The following GRM7 variants were observed in gnomAD, a reference collection of about 807,000 sequenced individuals.
GRM7 encodes the protein metabotropic glutamate receptor 7.
A neutral mutation model predicts 84.5 loss-of-function variants in GRM7; 35 were observed. The observed-to-expected ratio is 0.41, with a 90% confidence interval of 0.32 to 0.55. GRM7 has a LOEUF of 0.55. Among genes scored for constraint, GRM7 ranks in the 20% least tolerant of loss-of-function variants. GRM7 has a pLI of 0.19. For synonymous variants in GRM7, 487 were observed against 455.1 expected (o/e 1.07, Z -0.89); for missense variants, 1,003 against 1,194.6 (o/e 0.84, Z 2.36).
intron 9 of GRM7, among the ~76,000 whole-genome samples, chr3:7,700,461 C>T (rs531435157): frequency 6.6e-6 from 1 of 152,264 alleles, no homozygotes; most frequent in African/African-American, 2.4e-5. Flanking sequence ...CAGTCTAGAT[C>T]GGTCATTCTG....
chr3:6,909,042 A>G (rs2125014594), intron 1 of GRM7, among the ~76,000 whole-genome samples: 1 of 152,292 alleles, frequency 6.6e-6, no homozygotes, highest in Middle Eastern at 3.4e-3. Flanking sequence ...AAGTTGCATA[A>G]GTCATTAAAT....
chr3:7,019,028 C>T (rs1404414812), intron 1 of GRM7, among the ~76,000 whole-genome samples: 6 of 152,168 alleles, frequency 3.9e-5, no homozygotes, highest in African/African-American at 9.6e-5. Context: ...ACCCGGGAAG[C>T]GGAAGTTGCA....
chr3:7,724,603 T>C (rs1026640763), intron 9 of GRM7, among the ~76,000 whole-genome samples: 3 of 152,124 alleles, frequency 2.0e-5, no homozygotes, highest in African/African-American at 4.8e-5. Flanking sequence ...TTTGCATCTA[T>C]CTCAAAAAGA....
In GRM7 at chr3:7,135,043, A is replaced by T. The variant is rs192190542; in HGVS notation, c.520-11409A>T. ...ATTAGAGAGATGAAAAGTGAAGGAAAAAAGAGTTGCAATAATTGATGATAA... is the reference window on the plus strand; with the variant it reads ...ATTAGAGAGATGAAAAGTGAAGGAATAAAGAGTTGCAATAATTGATGATAA... On this transcript the variant is annotated intron_variant, in intron 1 of 9. Transcript: ENST00000357716. Among the ~76,000 whole-genome samples the T allele has an allele frequency of 4.7e-4, 72 of 152,314 alleles. 1 individual carries two copies. Among genetic ancestry groups the T allele is most frequent in the Non-Finnish European group, 8.4e-4 (57 of 68,028 alleles).
intron 2 of GRM7, among the ~76,000 whole-genome samples, chr3:7,193,314 C>T (rs1695776158): frequency 6.6e-6 from 1 of 152,114 alleles, no homozygotes; most frequent in South Asian, 2.1e-4. Context: ...TAGGTAGAGA[C>T]ATCCATATAG....
At chr3:7,160,302 T>C (rs1216939354) in intron 2 of GRM7, among the ~76,000 whole-genome samples, 1 of 152,186 alleles carries the variant, frequency 6.6e-6, no homozygotes. Flanking sequence ...TAAAGGTTAT[T>C]GGAAAAGTGC....
At chr3:7,210,970 G>T (rs1200009880) in intron 2 of GRM7, among the ~76,000 whole-genome samples, 1 of 152,124 alleles carries the variant, frequency 6.6e-6, no homozygotes, top group Non-Finnish European at 1.5e-5. Context: ...ATCCCTGGTG[G>T]TGCTAAGTCA....
In GRM7 at chr3:7,419,984, C is replaced by T. The variant is rs559662284; in HGVS notation, c.1174+4821C>T. 1.1e-4 allele frequency among the ~76,000 whole-genome samples: 16 copies of T among 152,292 alleles called. 1 individual carries two copies. The East Asian group carries it at 2.7e-3, about 26-fold the overall frequency. On this transcript the variant is annotated intron_variant, in intron 5 of 9. Transcript: ENST00000357716. ...AAGATATCAAGGGCTAAAGAGCGTA[C>T]TCTGATAAATGTCTACATTTTGGAA...
intron 1 of GRM7, among the ~76,000 whole-genome samples, chr3:6,870,386 C>T (rs182283753): frequency 6.6e-6 from 1 of 152,110 alleles, no homozygotes; most frequent in Non-Finnish European, 1.5e-5. Flanking sequence ...CAAAAATGGG[C>T]CTGGCATGTT....
intron 4 of GRM7, among the ~76,000 whole-genome samples, chr3:7,359,104 T>G (rs1693544198): frequency 8.6e-6 from 1 of 116,816 alleles, no homozygotes; most frequent in African/African-American, 3.7e-5. Flanking sequence ...AGAGTGAGAT[T>G]CCATCTCAAA....
At chr3:7,596,353 A>C (rs1696042719) in intron 8 of GRM7, among the ~76,000 whole-genome samples, 1 of 152,202 alleles carries the variant, frequency 6.6e-6, no homozygotes, top group South Asian at 2.1e-4. Flanking sequence ...CTAGGAGTTG[A>C]ATACACAATT....
At position 6,946,413 on chromosome 3, in the gene GRM7, G is replaced by T. The variant is rs563496190; in HGVS notation, c.519+84506G>T. Among the ~76,000 whole-genome samples, 152 of 152,174 alleles carry T rather than the reference G, an allele frequency of 1.0e-3. 1 individual carries two copies. Among genetic ancestry groups the T allele is most frequent in the Non-Finnish European group, 5.9e-4 (40 of 68,002 alleles). On this transcript the variant is annotated intron_variant, in intron 1 of 9. Coordinates refer to ENST00000357716, the MANE Select transcript of GRM7 (RefSeq NM_000844.4). ...CTGAGGGCTCTGTTATGTTCCATTG[G>T]TCTATATCTCTGTTTTGGTACCAGT...
At chr3:6,932,751 CTTTT>C (rs35962540) in intron 1 of GRM7, among the ~76,000 whole-genome samples, 26 of 93,778 alleles carry the variant, frequency 2.8e-4, no homozygotes, top group African/African-American at 5.2e-4. Flanking sequence ...TTCTTTCTCT[CTTTT>C]TTTTTTTTTT....
intron 1 of GRM7, among the ~76,000 whole-genome samples, chr3:6,960,576 A>G (rs890473234): frequency 6.6e-6 from 1 of 152,222 alleles, no homozygotes. Context: ...AACCCGTTAT[A>G]TCCCTTAACT....
At chr3:7,079,476 G>T (rs1046074480) in intron 1 of GRM7, among the ~76,000 whole-genome samples, 38 of 152,054 alleles carry the variant, frequency 2.5e-4, no homozygotes, top group Admixed American at 7.2e-4. Flanking sequence ...AATAAAAAAT[G>T]GAGAACTGTA....
intron 1 of GRM7, among the ~76,000 whole-genome samples, chr3:7,002,905 C>T (rs1695065143): frequency 6.6e-6 from 1 of 152,000 alleles, no homozygotes; most frequent in South Asian, 2.1e-4. Flanking sequence ...ACTATACAGC[C>T]TTAAAAAAGA....
Position 7,410,656 on chromosome 3 carries a change from C to CA in GRM7, c.1034-4367_1034-4366insA, listed in dbSNP as rs1553585549. 8.2e-3 allele frequency among the ~76,000 whole-genome samples: 1,172 copies of CA among 142,646 alleles called. 16 individuals are homozygous for CA. The highest frequency in any genetic ancestry group is 0.038 in the East Asian group (189 of 4,920). The allele number at this position is 142,646 out of a possible 152,430, so 93.6% of individuals were successfully genotyped here. On this transcript the variant is annotated intron_variant, in intron 4 of 9. Coordinates refer to ENST00000357716, the MANE Select transcript of GRM7 (RefSeq NM_000844.4). The stretch of plus-strand genomic sequence containing the variant: ...ACACATACACACAAAACCACCACCA[C>CA]CACACACACACACACACACACACGC...
At chr3:7,262,198 A>T (rs983648949) in intron 2 of GRM7, among the ~76,000 whole-genome samples, 3 of 151,664 alleles carry the variant, frequency 2.0e-5, no homozygotes, top group African/African-American at 7.3e-5. Context: ...CATGAATGAT[A>T]TCCTGAAATA....
chr3:7,018,552 C>A (rs1289751687), intron 1 of GRM7, among the ~76,000 whole-genome samples: 2 of 152,230 alleles, frequency 1.3e-5, no homozygotes, highest in Non-Finnish European at 2.9e-5. Context: ...CCAAGCAAGT[C>A]CCACGGGGGT....
Sources: gnomAD v4.1 joint callset for allele counts (sites outside exome capture counted in the v4.1 genomes callset) on GRCh38, gnomAD v4.1.1 for gene constraint, MANE v1.5 for transcripts, NCBI Gene and HGNC (gene_info 2026-07-23, HGNC 2026-07-21) for gene names.